TBRG4: variants seen among roughly 807,000 people sequenced by gnomAD.
TBRG4 encodes the protein transforming growth factor beta regulator 4.
TBRG4 carries 43 observed loss-of-function variants against 65.6 expected under a neutral mutation model. That is an observed-to-expected ratio of 0.66 (90% confidence interval 0.51 to 0.85). The LOEUF (loss-of-function observed/expected upper bound fraction) is 0.85, where lower values mean the gene tolerates loss of function less well. Among genes scored for constraint, TBRG4 ranks in the 40% least tolerant of loss-of-function variants. The probability of loss-of-function intolerance (pLI) is 0.00; values close to 1 mark genes in which losing one functional copy is unlikely to be tolerated. For synonymous variants in TBRG4, 366 were observed against 341.4 expected, an observed-to-expected ratio of 1.07 and a Z score of -0.79; for missense variants, 709 against 787.9, an observed-to-expected ratio of 0.90 and a Z score of 1.20.
At chr7:45,103,230 C>A in intron 6 of TBRG4, 103 bp downstream of exon 6, 1 of 940,258 alleles carries the variant, frequency 1.1e-6, no homozygotes, top group South Asian at 1.5e-5. Context: ...ATAGTGGCCC[C>A]TCCCGCCTCC....
intron 6 of TBRG4, 84 bp downstream of exon 6, chr7:45,103,249 C>T (rs1308964147): frequency 7.6e-6 from 9 of 1,187,768 alleles, no homozygotes; most frequent in Admixed American, 2.0e-5. Flanking sequence ...CCACCTAGCC[C>T]GAGCTGATCT....
chr7:45,102,238 G>T (rs548350183), intron 7 of TBRG4, 109 bp downstream of exon 7: 21 of 1,559,994 alleles, frequency 1.3e-5, no homozygotes, highest in East Asian at 4.5e-5. Flanking sequence ...TGGAGAGCGA[G>T]GGGGAGGGAG....
chr7:45,102,348 T>C lies in TBRG4; in HGVS notation c.1320A>G (p.Leu440=), dbSNP rs1179587629. 5 of 1,614,094 alleles carry C rather than the reference T, an allele frequency of 3.1e-6. No homozygotes were observed. Among genetic ancestry groups the C allele is most frequent in the Non-Finnish European group, 4.2e-6 (5 of 1,180,000 alleles). The change falls in exon 7 of 11, where the codon CTA becomes CTG. Residue 440 remains leucine (L), a splice_region_variant and synonymous_variant. Transcript: ENST00000258770. ...VLHPEFHIQF[L]GGKSQKDQNT... ...TAGTACTAGGGGCAGGGGGCTCACC[T>C]AGAAATTGGATGTGAAATTCAGGGT...
At chr7:45,103,046 C>T (rs1195744511) in intron 6 of TBRG4, 12 of 483,970 alleles carry the variant, frequency 2.5e-5, no homozygotes, top group South Asian at 4.2e-5. Context: ...GCACATAGCA[C>T]GAAGGCCCAC....
Position 45,102,394 on chromosome 7 carries a change from G to C in TBRG4, c.1274C>G (p.Ala425Gly). The change falls in exon 7 of 11, where the codon GCA becomes GGA. Residue 425 changes from alanine (A) to glycine (G), a missense_variant. Physicochemically the swap from Ala to Gly is moderately conservative, Grantham distance 60 (BLOSUM62 0). Transcript: ENST00000258770. ...AGGGTGGAGGACGGCTTGCAGCTCT[G>C]CTTCCCGTGCCTGCTGCAGCACACA... The part of the protein sequence containing the change: ...ALCVLQQARE[A>G]ELQAVLHPEF... 1 of 1,614,096 alleles carries C rather than the reference G, an allele frequency of 6.2e-7. No homozygotes were observed. Among genetic ancestry groups the C allele is most frequent in the Non-Finnish European group, 8.5e-7 (1 of 1,180,038 alleles).
In TBRG4 at chr7:45,102,071, CT is replaced by C; in HGVS notation, c.1322-2del. ...TTCTGATCCTTCTGAGACTTGCCCC[CT>C]AGGAGACAAGGAGAAAGAAGAGGGA... On this transcript the variant is annotated splice_acceptor_variant, in intron 7 of 10. Coordinates refer to ENST00000258770, the MANE Select transcript of TBRG4 (RefSeq NM_004749.4). LOFTEE classifies it high-confidence loss of function. The C allele has an allele frequency of 6.4e-7, 1 of 1,568,594 alleles. No homozygotes were observed.
At chr7:45,107,764 G>A in intron 2 of TBRG4, 1 of 154,454 alleles carries the variant, frequency 6.5e-6, no homozygotes, top group Middle Eastern at 6.4e-4. Flanking sequence ...GTTCAGTCTT[G>A]CATCATAAGA....
intron 4 of TBRG4, 112 bp from the exon 5 acceptor site, chr7:45,104,368 T>C: frequency 1.3e-6 from 2 of 1,585,514 alleles, no homozygotes; most frequent in Non-Finnish European, 1.7e-6. Context: ...TAACCAAATT[T>C]ATCCCTGAGC....
rs767982352 is a variant in TBRG4, at chr7:45,102,494, G to A, written c.1177-3C>T. ...TCTGACCCCAGCTTCTCATGTACCT[G>A]GGCAAGGATAGAGTGTGGTGGAGAA... On this transcript the variant is annotated splice_region_variant and splice_polypyrimidine_tract_variant and intron_variant, in intron 6 of 10. Transcript: ENST00000258770. 9 of 1,608,242 alleles carry A rather than the reference G, an allele frequency of 5.6e-6. No individual in the cohort carries two copies. Among genetic ancestry groups the A allele is most frequent in the Non-Finnish European group, 7.6e-6 (9 of 1,179,752 alleles).
Position 45,101,362 on chromosome 7 carries a change from A to G in TBRG4, c.1690T>C (p.Leu564=), listed in dbSNP as rs780686190. ...TTGAAGTTGGGGAACTCCCACCGCA[A>G]GAACGCTAGCCTGGAAGGAAGAAGA... ...PPPGSKRLAF[L]RWEFPNFNSR... The change falls in exon 10 of 11, where the codon TTG becomes CTG. Residue 564 remains leucine (L), a synonymous_variant. Coordinates refer to ENST00000258770, the MANE Select transcript of TBRG4 (RefSeq NM_004749.4). 2 of 1,614,016 alleles carry G rather than the reference A, an allele frequency of 1.2e-6. No homozygotes were observed. Among genetic ancestry groups the G allele is most frequent in the African/African-American group, 1.3e-5 (1 of 75,072 alleles).
intron 6 of TBRG4, chr7:45,103,095 CCA>C (rs1784819847): frequency 1.8e-6 from 1 of 562,626 alleles, no homozygotes; most frequent in Admixed American, 3.0e-5. Context: ...AAAAGGAGCA[CCA>C]GAGGCAGGAC....
At chr7:45,101,727 C>T in intron 8 of TBRG4, 98 bp downstream of exon 8, 2 of 1,596,282 alleles carry the variant, frequency 1.3e-6, no homozygotes, top group Non-Finnish European at 1.7e-6. Flanking sequence ...CACCCTGCAG[C>T]TCCCTAGGTC....
chr7:45,100,346 C>A lies in TBRG4; in HGVS notation c.1875G>T (p.Val625=), dbSNP rs771649166. 1.2e-6 allele frequency: 2 copies of A among 1,614,140 alleles called. No homozygotes were observed. Among genetic ancestry groups the A allele is most frequent in the Non-Finnish European group, 8.5e-7 (1 of 1,180,022 alleles). The part of the protein sequence containing the change: ...AYLKDKMRKA[V]AEELAK ...CAAGTCACTTGGCCAGCTCCTCAGC[C>A]ACCGCTTTGCGCATCTTGTCCTTGA... Residue 625 remains valine, a synonymous_variant, in exon 11 of 11, where the codon GTG becomes GTT. Coordinates refer to ENST00000258770, the MANE Select transcript of TBRG4 (RefSeq NM_004749.4).
chr7:45,101,671 C>T lies in TBRG4; in HGVS notation c.1568-57G>A, dbSNP rs142564373. ...GGGGGACATCCCTCAGAAACCCCCCCACAGGAAAGATGAACAAAGATGGGA... is the reference window on the plus strand; with the variant it reads ...GGGGGACATCCCTCAGAAACCCCCCTACAGGAAAGATGAACAAAGATGGGA... On this transcript the variant is annotated intron_variant, in intron 8 of 10. Coordinates refer to ENST00000258770, the MANE Select transcript of TBRG4 (RefSeq NM_004749.4). 784 of 1,601,056 alleles carry T rather than the reference C, an allele frequency of 4.9e-4. 3 individuals carry two copies. The African/African-American group carries it at 6.4e-3, about 13-fold the overall frequency.
chr7:45,102,503 T>C lies in TBRG4; in HGVS notation c.1177-12A>G, dbSNP rs111380755. On this transcript the variant is annotated splice_polypyrimidine_tract_variant and intron_variant, in intron 6 of 10. Coordinates refer to ENST00000258770, the MANE Select transcript of TBRG4 (RefSeq NM_004749.4). Reference sequence around the variant, plus strand: ...AGCTTCTCATGTACCTGGGCAAGGATAGAGTGTGGTGGAGAAAGCAGGCTC... The same window carrying C: ...AGCTTCTCATGTACCTGGGCAAGGACAGAGTGTGGTGGAGAAAGCAGGCTC... 1,201 of 1,606,070 alleles carry C rather than the reference T, an allele frequency of 7.5e-4. 10 individuals are homozygous for C. The African/African-American group carries it at 0.014, about 19-fold the overall frequency.
chr7:45,103,393 T>G lies in TBRG4; in HGVS notation c.1116A>C (p.Val372=), dbSNP rs78557665. 2,522 of 1,614,066 alleles carry G rather than the reference T, an allele frequency of 1.6e-3. 27 individuals are homozygous for G. In the African/African-American group the frequency reaches 0.028, roughly 18 times the overall value. The change falls in exon 6 of 11, where the codon GTA becomes GTC. Residue 372 remains valine, a synonymous_variant. Transcript: ENST00000258770. ...AGTTCAGACGCGCAAAAGCCAGAAGTACGCTGCACAGGTGGGGCAGGGTGA... is the reference window on the plus strand; with the variant it reads ...AGTTCAGACGCGCAAAAGCCAGAAGGACGCTGCACAGGTGGGGCAGGGTGA... ...QDITLPHLCS[V]LLAFARLNFH...
rs1426575679 is a variant in TBRG4, at chr7:45,104,988, ATC to A, written c.736-281_736-280del. ...AGCTGTGGAGCTTGCTGTGGCAGCC[ATC>A]TGGGCCAGCCCCCGCTATGACAGAA... On this transcript the variant is annotated intron_variant, in intron 3 of 10. Coordinates refer to ENST00000258770, the MANE Select transcript of TBRG4 (RefSeq NM_004749.4). The A allele has an allele frequency of 4.0e-6, 3 of 747,060 alleles. No homozygotes were observed. The African/African-American group carries it at 5.1e-5, about 13-fold the overall frequency. 46.3% of individuals were successfully genotyped at this position (747,060 alleles called of 1,614,324 possible). A position where few individuals can be genotyped will look rare whatever the true frequency, so the allele number is the denominator to read the frequency against.
rs1357500046 is a variant in TBRG4 at position 45,104,255 on chromosome 7, G to A, written c.909C>T (p.Gly303=). The change falls in exon 5 of 11, where the codon GGC becomes GGT. Residue 303 remains glycine, a splice_region_variant and synonymous_variant. Coordinates refer to ENST00000258770, the MANE Select transcript of TBRG4 (RefSeq NM_004749.4). ...CCTGGGTCTGGTGAAAGCTGAGTTTGCCTTCAGGACAGAGCAGATCACAGG... is the reference window on the plus strand; with the variant it reads ...CCTGGGTCTGGTGAAAGCTGAGTTTACCTTCAGGACAGAGCAGATCACAGG... The part of the protein sequence containing the change: ...DVLLDVAYAY[G]KLSFHQTQVS... 1.9e-6 allele frequency: 3 copies of A among 1,613,778 alleles called. No individual in the cohort carries two copies. The highest frequency in any genetic ancestry group is 2.2e-5 in the East Asian group (1 of 44,884).
intron 3 of TBRG4, 104 bp downstream of exon 3, chr7:45,105,337 C>T (rs1784908245): frequency 1.6e-6 from 2 of 1,280,794 alleles, no homozygotes; most frequent in East Asian, 4.7e-5. Context: ...GGGCTCTGAT[C>T]CCAGTGCACA....
Sources: gnomAD v4.1 joint callset for allele counts on GRCh38, gnomAD v4.1.1 for gene constraint, MANE v1.5 for transcripts, NCBI Gene and HGNC (gene_info 2026-07-23, HGNC 2026-07-21) for gene names.